Variants in SNTB1 observed in about 807,000 individuals in gnomAD.
The protein encoded by SNTB1 is beta-1-syntrophin.
Under a neutral mutation model 48.9 loss-of-function variants are expected in SNTB1, and 36 were observed. The observed-to-expected ratio is 0.74, with a 90% CI of 0.56 to 0.97. SNTB1 has a LOEUF of 0.97. Among genes scored for constraint, SNTB1 ranks in the 50% least tolerant of loss-of-function variants. The pLI, the probability that SNTB1 is intolerant of heterozygous loss-of-function variation, is 0.00. For missense variants in SNTB1, 786 were observed against 703.4 expected (o/e 1.12, Z -1.33); for synonymous variants, 299 against 294.6 (o/e 1.01, Z -0.15).
At chr8:120,570,923 A>T (rs1815832209) in intron 4 of SNTB1, 1 of 175,610 alleles carries the variant, frequency 5.7e-6, no homozygotes, top group African/African-American at 2.4e-5. Flanking sequence ...AGAGTTTGGC[A>T]TTTTTTGTTG....
intron 3 of SNTB1, among the ~76,000 whole-genome samples, chr8:120,629,172 C>T (rs1816938786): frequency 1.3e-5 from 2 of 152,248 alleles, no homozygotes; most frequent in African/African-American, 4.8e-5. Context: ...GAAATTTCTC[C>T]AGTCACTCAA....
chr8:120,543,552 C>A (rs1815327340), intron 5 of SNTB1, among the ~76,000 whole-genome samples: 1 of 152,134 alleles, frequency 6.6e-6, no homozygotes, highest in Non-Finnish European at 1.5e-5. Flanking sequence ...AATTCAAATT[C>A]TTTCCACTCT....
intron 3 of SNTB1, among the ~76,000 whole-genome samples, chr8:120,603,959 A>G (rs1015569635): frequency 6.6e-6 from 1 of 152,172 alleles, no homozygotes; most frequent in Non-Finnish European, 1.5e-5. Context: ...AGGGACTAAG[A>G]GACTTGTCAG....
At chr8:120,794,881 A>T (rs993036435) in intron 1 of SNTB1, among the ~76,000 whole-genome samples, 2 of 152,012 alleles carry the variant, frequency 1.3e-5, no homozygotes, top group Non-Finnish European at 2.9e-5. Flanking sequence ...TTGGTTTACC[A>T]TTATCTTTAC....
At chr8:120,540,288 A>C (rs547638149) in intron 6 of SNTB1, among the ~76,000 whole-genome samples, 29 of 152,272 alleles carry the variant, frequency 1.9e-4, no homozygotes, top group African/African-American at 7.0e-4. Flanking sequence ...AGGATTGCTT[A>C]AACAGACATA....
At chr8:120,645,563 G>A (rs1405335857) in intron 2 of SNTB1, among the ~76,000 whole-genome samples, 4 of 147,636 alleles carry the variant, frequency 2.7e-5, no homozygotes, top group Non-Finnish European at 6.0e-5. Context: ...TTTGGTTACT[G>A]TAGCCTTGTA....
chr8:120,540,782 T>C (rs922622594), intron 6 of SNTB1, among the ~76,000 whole-genome samples: 11 of 152,216 alleles, frequency 7.2e-5, no homozygotes, highest in African/African-American at 2.4e-4. Context: ...CCACGAGGAA[T>C]GGCCTCCATC....
chr8:120,632,735 T>G (rs1256296289), intron 2 of SNTB1, 84 bp from the exon 3 acceptor site: 2 of 1,116,258 alleles, frequency 1.8e-6, no homozygotes, highest in Admixed American at 3.9e-5. Flanking sequence ...GTGAATTAAT[T>G]CTTTACTCCT....
intron 1 of SNTB1, among the ~76,000 whole-genome samples, chr8:120,696,915 A>G (rs1161566479): frequency 1.3e-5 from 2 of 152,210 alleles, no homozygotes; most frequent in Non-Finnish European, 2.9e-5. Context: ...TACAGGCAGT[A>G]GTGATAGTCG....
At chr8:120,577,236 C>A (rs1344898343) in intron 3 of SNTB1, among the ~76,000 whole-genome samples, 1 of 152,222 alleles carries the variant, frequency 6.6e-6, no homozygotes, top group Non-Finnish European at 1.5e-5. Context: ...AAAAACTGTG[C>A]TTCTGAAGAA....
chr8:120,575,146 A>T lies in SNTB1; in HGVS notation c.1076T>A (p.Met359Lys), dbSNP rs760385622. ...GAACCAGGCTTCCTTCCTCCGTGGC[A>T]TGCTGTCATAGATTAAAAGGTCTTT... Reference protein sequence around the residue: ...TEKDLLIYDSMPRRKEAWFSP... With the variant: ...TEKDLLIYDSKPRRKEAWFSP... The change falls in exon 4 of 7, where the codon ATG becomes AAG. Residue 359 changes from methionine to lysine, a missense_variant. By Grantham distance (95) the Met-to-Lys change is moderately conservative. Transcript: ENST00000517992. The T allele has an allele frequency of 6.2e-7, 1 of 1,614,200 alleles. No individual in the cohort carries two copies. The highest frequency in any genetic ancestry group is 1.1e-5 in the South Asian group (1 of 91,082).
At chr8:120,584,527 T>C (rs568179243) in intron 3 of SNTB1, among the ~76,000 whole-genome samples, 10 of 151,886 alleles carry the variant, frequency 6.6e-5, no homozygotes, top group Admixed American at 2.0e-4. Flanking sequence ...TATTTGATTT[T>C]GAGTCATTTA....
At chr8:120,687,731 T>C (rs1219372892) in intron 2 of SNTB1, among the ~76,000 whole-genome samples, 1 of 152,274 alleles carries the variant, frequency 6.6e-6, no homozygotes, top group Non-Finnish European at 1.5e-5. Flanking sequence ...ATTCTGCTCA[T>C]ATTCACATTT....
intron 1 of SNTB1, among the ~76,000 whole-genome samples, chr8:120,771,299 G>T (rs1031466577): frequency 6.6e-6 from 1 of 152,208 alleles, no homozygotes; most frequent in Non-Finnish European, 1.5e-5. Flanking sequence ...GGAAGAAAAT[G>T]CTAGGTGGTG....
chr8:120,752,282 A>G (rs58269070), intron 1 of SNTB1, among the ~76,000 whole-genome samples: 19,595 of 152,066 alleles, frequency 0.13, 1,624 homozygotes, highest in African/African-American at 0.23. Context: ...GTATATATGC[A>G]TATATCATAT....
intron 2 of SNTB1, among the ~76,000 whole-genome samples, chr8:120,641,947 A>G (rs546034834): frequency 6.6e-6 from 1 of 151,878 alleles, no homozygotes; most frequent in Non-Finnish European, 1.5e-5. Context: ...GGCAAAGTTG[A>G]AATACCAGGT....
chr8:120,624,140 G>A (rs1488293658), intron 3 of SNTB1, among the ~76,000 whole-genome samples: 1 of 152,150 alleles, frequency 6.6e-6, no homozygotes, highest in Non-Finnish European at 1.5e-5. Context: ...GTTTCACCAT[G>A]TTGGCCAGGC....
At chr8:120,646,702 C>T (rs1009994203) in intron 2 of SNTB1, among the ~76,000 whole-genome samples, 2 of 151,890 alleles carry the variant, frequency 1.3e-5, no homozygotes, top group African/African-American at 4.8e-5. Flanking sequence ...GGAGGATTCC[C>T]TCTTTTTCTA....
rs533190449 is a variant in SNTB1 at position 120,636,058 on chromosome 8, T to A, written c.789-3407A>T. 1.6e-3 allele frequency: 1,226 copies of A among 757,462 alleles called. 7 individuals are homozygous for A. Among genetic ancestry groups the A allele is most frequent in the Non-Finnish European group, 2.1e-3 (1,127 of 547,498 alleles). The allele number at this position is 757,462 out of a possible 1,614,324, so 46.9% of individuals were successfully genotyped here. A position where few individuals can be genotyped will look rare whatever the true frequency, so the allele number is the denominator to read the frequency against. On this transcript the variant is annotated intron_variant, in intron 2 of 6. Transcript: ENST00000517992. Reference sequence around the variant, plus strand: ...TTCTAAAGAACTCAAGGCTTTTTTTTTTATTATTTTAAAAAGGAATTTATT... The same window carrying A: ...TTCTAAAGAACTCAAGGCTTTTTTTATTATTATTTTAAAAAGGAATTTATT...
Sources: gnomAD v4.1 joint callset for allele counts (sites outside exome capture counted in the v4.1 genomes callset) on GRCh38, gnomAD v4.1.1 for gene constraint, MANE v1.5 for transcripts, NCBI Gene and HGNC (gene_info 2026-07-23, HGNC 2026-07-21) for gene names.